Variants in LRBA observed in about 807,000 individuals in gnomAD.
LRBA encodes the protein lipopolysaccharide-responsive and beige-like anchor protein.
LRBA carries 176 observed loss-of-function variants against 330.0 expected under a neutral mutation model. The observed-to-expected ratio is 0.53, with a 90% CI of 0.47 to 0.60. The LOEUF (loss-of-function observed/expected upper bound fraction) is 0.60. LRBA is among the 20% of genes least tolerant of loss of function. The probability of loss-of-function intolerance (pLI) is 0.00; values close to 1 mark genes in which losing one functional copy is unlikely to be tolerated. For missense variants in LRBA, 3,259 were observed against 3,444.8 expected, an observed-to-expected ratio of 0.95 and a Z score of 1.35; for synonymous variants, 1,230 against 1,193.0, an observed-to-expected ratio of 1.03 and a Z score of -0.64.
rs138704341 is a variant in LRBA at position 150,571,624 on chromosome 4, G to A, written c.6330+16424C>T. The stretch of plus-strand genomic sequence containing the variant: ...AAATACTTAAGCATTCATACCTTTA[G>A]TATGCATTAACCTACTGGTTAGTTG... On this transcript the variant is annotated intron_variant, in intron 40 of 56. Coordinates refer to ENST00000651943, the MANE Select transcript of LRBA (RefSeq NM_001364905.1). Among the ~76,000 whole-genome samples the A allele has an allele frequency of 1.2e-3, 161 of 133,992 alleles. 4 individuals are homozygous for A. The East Asian group carries it at 0.03, about 25-fold the overall frequency. The allele number at this position is 133,992 out of a possible 152,430, so 87.9% of individuals were successfully genotyped here.
At chr4:150,739,030 G>A (rs1282319306) in intron 35 of LRBA, among the ~76,000 whole-genome samples, 1 of 151,810 alleles carries the variant, frequency 6.6e-6, no homozygotes, top group Admixed American at 6.6e-5. Flanking sequence ...TTCAATATAA[G>A]GTTAAACAAA....
chr4:150,529,488 C>T (rs1251382778), intron 40 of LRBA, among the ~76,000 whole-genome samples: 4 of 152,034 alleles, frequency 2.6e-5, no homozygotes, highest in South Asian at 2.1e-4. Context: ...GAGGCCAAGG[C>T]GGGTGGATCA....
At chr4:150,895,516 G>C (rs905277226) in intron 16 of LRBA, among the ~76,000 whole-genome samples, 19 of 152,014 alleles carry the variant, frequency 1.2e-4, no homozygotes, top group Non-Finnish European at 2.4e-4. Flanking sequence ...TCCCACCTAT[G>C]AGTGAGAACA....
At chr4:150,390,915 C>A (rs1217466566) in intron 47 of LRBA, among the ~76,000 whole-genome samples, 1 of 152,188 alleles carries the variant, frequency 6.6e-6, no homozygotes, top group African/African-American at 2.4e-5. Context: ...TTTGTTATTA[C>A]AGCATTAGCT....
chr4:150,579,870 G>A (rs1053844760), intron 40 of LRBA: 3 of 373,526 alleles, frequency 8.0e-6, no homozygotes, highest in Non-Finnish European at 1.1e-5. Flanking sequence ...ACGCAACGAC[G>A]AAGCGACCAC....
At chr4:150,944,944 T>C (rs1328983971) in intron 2 of LRBA, among the ~76,000 whole-genome samples, 1 of 152,214 alleles carries the variant, frequency 6.6e-6, no homozygotes, top group Non-Finnish European at 1.5e-5. Context: ...ACATGCTCTC[T>C]TGCCTGCCGC....
chr4:150,307,081 T>G, intron 52 of LRBA, among the ~76,000 whole-genome samples: 1 of 152,022 alleles, frequency 6.6e-6, no homozygotes, highest in East Asian at 1.9e-4. Context: ...GAAAGTGAAG[T>G]TAGCTTTACT....
chr4:150,953,856 C>A (rs1195522947), intron 2 of LRBA, among the ~76,000 whole-genome samples: 1 of 150,528 alleles, frequency 6.6e-6, no homozygotes, highest in Non-Finnish European at 1.5e-5. Flanking sequence ...CTCTGCCTGG[C>A]TGCCCAGTCT....
At chr4:150,799,366 C>T (rs1485998194) in intron 33 of LRBA, among the ~76,000 whole-genome samples, 1 of 152,114 alleles carries the variant, frequency 6.6e-6, no homozygotes, top group African/African-American at 2.4e-5. Flanking sequence ...CAGGCTAATG[C>T]TGTCAAGGCC....
chr4:150,441,644 C>T (rs1488608275), intron 44 of LRBA, among the ~76,000 whole-genome samples: 13 of 152,002 alleles, frequency 8.6e-5, no homozygotes, highest in Non-Finnish European at 5.9e-5. Context: ...CATTATTATA[C>T]ATTCTCATAA....
intron 37 of LRBA, among the ~76,000 whole-genome samples, chr4:150,629,032 G>GACTACAGCTCAATGTC (rs1228777098): frequency 2.6e-5 from 4 of 152,092 alleles, no homozygotes; most frequent in Non-Finnish European, 5.9e-5. Context: ...AGGCAACTGG[G>GACTACAGCTCAATGTC]ACTACAGCTC....
At chr4:150,580,756 A>G (rs990101989) in intron 40 of LRBA, 3 of 152,194 alleles carry the variant, frequency 2.0e-5, no homozygotes, top group African/African-American at 7.2e-5. Context: ...ACCCAAAAGT[A>G]TGGAAAGGCT....
chr4:150,938,564 T>G (rs1336120477), intron 2 of LRBA, among the ~76,000 whole-genome samples: 2 of 152,222 alleles, frequency 1.3e-5, no homozygotes, highest in Non-Finnish European at 2.9e-5. Context: ...GTGACCAAGT[T>G]CTGACCAACA....
chr4:150,521,036 T>G (rs1468523666), intron 40 of LRBA, among the ~76,000 whole-genome samples: 1 of 152,212 alleles, frequency 6.6e-6, no homozygotes, highest in Non-Finnish European at 1.5e-5. Context: ...TAATCTAAAT[T>G]GTCCAATTTA....
Position 150,415,041 on chromosome 4 carries a change from A to G in LRBA, c.7194+397T>C, listed in dbSNP as rs1206522078. Among the ~76,000 whole-genome samples the G allele has an allele frequency of 3.9e-5, 6 of 152,348 alleles. No homozygotes were observed. The East Asian group carries it at 1.2e-3, about 29-fold the overall frequency. On this transcript the variant is annotated intron_variant, in intron 47 of 56. Coordinates refer to ENST00000651943, the MANE Select transcript of LRBA (RefSeq NM_001364905.1). ...AAGATTTCCTTCAAATGATAGATAC[A>G]GGACATAATTTGAAAATCTTGTTTC...
In LRBA at chr4:150,851,955, T is replaced by G. The variant is rs1443625165; in HGVS notation, c.3755A>C (p.Asp1252Ala). 1 of 1,614,138 alleles carries G rather than the reference T, an allele frequency of 6.2e-7. No homozygotes were observed. The highest frequency in any genetic ancestry group is 1.1e-5 in the South Asian group (1 of 91,068). ...GGCCTTCAACTCCAGCCTCTCAGTA[T>G]CTGTAGCAACATTGGAAACATCCAA... ...AKLDVSNVAT[D>A]TERLELKASP... Residue 1252 changes from aspartate to alanine, a missense_variant, in exon 23 of 57, where the codon GAT (aspartate) becomes GCT (alanine). By Grantham distance (126) the Asp-to-Ala change is moderately radical. Transcript: ENST00000651943.
At chr4:150,430,231 A>T (rs1750193314) in intron 46 of LRBA, among the ~76,000 whole-genome samples, 1 of 152,200 alleles carries the variant, frequency 6.6e-6, no homozygotes, top group African/African-American at 2.4e-5. Context: ...CTCCTTGCCT[A>T]ATTAACAACT....
chr4:150,888,874 T>A (rs1346390067), intron 17 of LRBA, among the ~76,000 whole-genome samples: 1 of 152,158 alleles, frequency 6.6e-6, no homozygotes, highest in Non-Finnish European at 1.5e-5. Flanking sequence ...AACCTACAAC[T>A]ATTCTGTGTG....
intron 40 of LRBA, among the ~76,000 whole-genome samples, chr4:150,541,326 AC>A (rs1485340733): frequency 6.6e-6 from 1 of 152,184 alleles, no homozygotes; most frequent in African/African-American, 2.4e-5. Context: ...CAAAAAATAT[AC>A]CTAATGATCA....
Sources: gnomAD v4.1 joint callset for allele counts (sites outside exome capture counted in the v4.1 genomes callset) on GRCh38, gnomAD v4.1.1 for gene constraint, MANE v1.5 for transcripts, NCBI Gene and HGNC (gene_info 2026-07-23, HGNC 2026-07-21) for gene names.